Variants in ARMH4 observed in about 807,000 individuals in gnomAD.
ARMH4 encodes the protein armadillo-like helical domain-containing protein 4.
In ARMH4, 49 loss-of-function variants were observed where a neutral mutation model predicts 61.9. The ratio of observed to expected loss-of-function variants is 0.79; its 90% confidence interval spans 0.63 to 1.00. The LOEUF (loss-of-function observed/expected upper bound fraction) is 1.00, where lower values mean the gene tolerates loss of function less well. ARMH4 is among the 50% of genes least tolerant of loss of function. The probability of loss-of-function intolerance (pLI) is 0.00; values close to 1 mark genes in which losing one functional copy is unlikely to be tolerated. For synonymous variants in ARMH4, 368 were observed against 341.5 expected, an observed-to-expected ratio of 1.08 and a Z score of -0.85; for missense variants, 934 against 930.0, an observed-to-expected ratio of 1.00 and a Z score of -0.06.
At chr14:58,115,708 A>G (rs551899825) in intron 4 of ARMH4, among the ~76,000 whole-genome samples, 43 of 152,316 alleles carry the variant, frequency 2.8e-4, no homozygotes, top group Non-Finnish European at 5.0e-4. Flanking sequence ...AATGTGATAC[A>G]TATACACCAT....
chr14:58,063,919 GT>G (rs1363341373), intron 5 of ARMH4, among the ~76,000 whole-genome samples: 3 of 152,172 alleles, frequency 2.0e-5, no homozygotes, highest in Non-Finnish European at 4.4e-5. Context: ...AAATGAGTTT[GT>G]AATCTGTTTA....
At chr14:58,024,717 G>A (rs191543749) in intron 5 of ARMH4, among the ~76,000 whole-genome samples, 87 of 152,264 alleles carry the variant, frequency 5.7e-4, no homozygotes, top group African/African-American at 2.0e-3. Context: ...TGAGAGATGT[G>A]TGTCTCTTTC....
intron 4 of ARMH4, among the ~76,000 whole-genome samples, chr14:58,122,329 TA>T (rs1308304120): frequency 6.6e-6 from 1 of 152,174 alleles, no homozygotes; most frequent in Non-Finnish European, 1.5e-5. Flanking sequence ...GGAAGAAGCC[TA>T]TGAATTATTC....
intron 4 of ARMH4, among the ~76,000 whole-genome samples, chr14:58,128,430 A>AG (rs1381694311): frequency 5.3e-5 from 8 of 152,380 alleles, no homozygotes; most frequent in Middle Eastern, 3.4e-3. Flanking sequence ...TGTATTTCAA[A>AG]GCTGCTAAAT....
intron 1 of ARMH4, chr14:58,141,700 G>A (rs138147570): frequency 0.011 from 3,424 of 313,098 alleles, 29 homozygotes; most frequent in Non-Finnish European, 0.018. Flanking sequence ...GCAGCCTTCT[G>A]CCCAGGCCCC....
chr14:58,024,343 G>GCCTCATGAACCAA (rs1882948392), intron 5 of ARMH4, among the ~76,000 whole-genome samples: 1 of 152,076 alleles, frequency 6.6e-6, no homozygotes, highest in Non-Finnish European at 1.5e-5. Flanking sequence ...CTTTCCTTAA[G>GCCTCATGAACCAA]CCTCATGAAC....
intron 3 of ARMH4, among the ~76,000 whole-genome samples, chr14:58,132,444 A>G (rs1225559701): frequency 6.6e-6 from 1 of 150,628 alleles, no homozygotes. Flanking sequence ...ATTCAGGTCC[A>G]TGCTTTTTTC....
intron 1 of ARMH4, chr14:58,141,263 G>A (rs185212527): frequency 1.6e-5 from 5 of 303,032 alleles, no homozygotes; most frequent in East Asian, 8.7e-5. Flanking sequence ...CGAGGCGGCC[G>A]GGCTGCAGAC....
chr14:58,017,674 A>G (rs906722710), intron 5 of ARMH4, among the ~76,000 whole-genome samples: 31 of 152,206 alleles, frequency 2.0e-4, no homozygotes, highest in African/African-American at 7.0e-4. Context: ...CACAGACTAG[A>G]TTAATATTAT....
chr14:58,072,698 C>T (rs907437353), intron 5 of ARMH4, among the ~76,000 whole-genome samples: 3 of 151,714 alleles, frequency 2.0e-5, no homozygotes, highest in African/African-American at 4.8e-5. Flanking sequence ...TTCTAGCCTG[C>T]GCAACAGAGT....
intron 5 of ARMH4, among the ~76,000 whole-genome samples, chr14:58,074,398 A>T (rs1306589967): frequency 6.6e-6 from 1 of 152,092 alleles, no homozygotes; most frequent in Admixed American, 6.6e-5. Flanking sequence ...CCTGATATGA[A>T]TTATATTCAT....
At chr14:58,078,225 C>G (rs1287473631) in intron 5 of ARMH4, among the ~76,000 whole-genome samples, 1 of 152,222 alleles carries the variant, frequency 6.6e-6, no homozygotes, top group Non-Finnish European at 1.5e-5. Context: ...CCTGTCACAG[C>G]TGCATGTGGC....
intron 4 of ARMH4, among the ~76,000 whole-genome samples, chr14:58,100,214 T>A (rs1333732949): frequency 6.6e-6 from 1 of 152,190 alleles, no homozygotes; most frequent in East Asian, 1.9e-4. Flanking sequence ...AGAGAAATGT[T>A]GGTGGTTTGA....
chr14:58,061,418 T>C (rs1271574227), intron 5 of ARMH4, among the ~76,000 whole-genome samples: 1 of 152,080 alleles, frequency 6.6e-6, no homozygotes, highest in Non-Finnish European at 1.5e-5. Context: ...CCCACCACCT[T>C]ACCGAGCCCA....
intron 5 of ARMH4, among the ~76,000 whole-genome samples, chr14:58,063,416 C>A (rs1308224512): frequency 1.3e-5 from 2 of 152,068 alleles, no homozygotes; most frequent in African/African-American, 4.8e-5. Flanking sequence ...TGGGGGAACA[C>A]AATTTGACCC....
At chr14:58,079,187 G>T (rs1336984903) in intron 5 of ARMH4, among the ~76,000 whole-genome samples, 1 of 152,150 alleles carries the variant, frequency 6.6e-6, no homozygotes, top group Non-Finnish European at 1.5e-5. Context: ...TATGGGCATT[G>T]TCTTAGTCTG....
chr14:58,104,528 T>C (rs1183572297), intron 4 of ARMH4, among the ~76,000 whole-genome samples: 1 of 152,224 alleles, frequency 6.6e-6, no homozygotes, highest in African/African-American at 2.4e-5. Context: ...CTCATAATCT[T>C]TTTCTTCCAG....
At chr14:58,063,038 G>T (rs1293858966) in intron 5 of ARMH4, among the ~76,000 whole-genome samples, 1 of 152,176 alleles carries the variant, frequency 6.6e-6, no homozygotes, top group Non-Finnish European at 1.5e-5. Flanking sequence ...CCAAATCAAG[G>T]TACTGGCAGG....
chr14:58,049,803 C>T (rs1328327985), intron 5 of ARMH4, among the ~76,000 whole-genome samples: 1 of 152,196 alleles, frequency 6.6e-6, no homozygotes, highest in Non-Finnish European at 1.5e-5. Context: ...ACTCCCTGGA[C>T]TGTTAAAATG....
Sources: gnomAD v4.1 joint callset for allele counts (sites outside exome capture counted in the v4.1 genomes callset) on GRCh38, gnomAD v4.1.1 for gene constraint, MANE v1.5 for transcripts, NCBI Gene and HGNC (gene_info 2026-07-23, HGNC 2026-07-21) for gene names.